Variants in CDH13 observed in about 807,000 individuals in gnomAD.
CDH13 encodes the protein cadherin-13.
In CDH13, 24 loss-of-function variants were observed where a neutral mutation model predicts 63.8. The ratio of observed to expected loss-of-function variants is 0.38; its 90% CI spans 0.27 to 0.53. CDH13 has a LOEUF of 0.53. CDH13 is among the 20% of genes least tolerant of loss of function. The pLI is 0.85. For missense variants in CDH13, 1,049 were observed against 903.1 expected (o/e 1.16, Z -2.07); for synonymous variants, 503 against 355.3 (o/e 1.42, Z -4.67).
At chr16:82,789,093 A>C (rs1229657881) in intron 1 of CDH13, among the ~76,000 whole-genome samples, 2 of 152,134 alleles carry the variant, frequency 1.3e-5, no homozygotes, top group African/African-American at 4.8e-5. Context: ...TTTCCAGCTG[A>C]TAAGGCAATT....
chr16:83,158,487 G>A (rs1363397457), intron 4 of CDH13, among the ~76,000 whole-genome samples: 1 of 152,246 alleles, frequency 6.6e-6, no homozygotes. Context: ...GCCAGGGCTG[G>A]CTGTCCCTGT....
intron 3 of CDH13, among the ~76,000 whole-genome samples, chr16:83,088,595 A>G (rs1229497100): frequency 6.6e-6 from 1 of 152,158 alleles, no homozygotes; most frequent in Non-Finnish European, 1.5e-5. Context: ...TATAAAGTAA[A>G]GGTGTTATTA....
At chr16:83,207,897 T>C (rs900622760) in intron 4 of CDH13, among the ~76,000 whole-genome samples, 2 of 152,070 alleles carry the variant, frequency 1.3e-5, no homozygotes, top group African/African-American at 4.8e-5. Flanking sequence ...TTAAGCATAA[T>C]CTTAAGAGTC....
chr16:82,713,544 G>C (rs2032119057), intron 1 of CDH13, among the ~76,000 whole-genome samples: 1 of 152,026 alleles, frequency 6.6e-6, no homozygotes, highest in African/African-American at 2.4e-5. Context: ...AGAATGGCAG[G>C]GTGGTCAAGA....
rs575697635 is a variant in CDH13, at chr16:83,246,508, T to A, written c.636+29011T>A. On this transcript the variant is annotated intron_variant, in intron 5 of 13. Coordinates refer to ENST00000567109, the MANE Select transcript of CDH13 (RefSeq NM_001257.5). The stretch of plus-strand genomic sequence containing the variant: ...ATCATTGGCCTGGCATTCTTCCTCT[T>A]CTCTATACTTTTCCATGGTTCATTC... Among the ~76,000 whole-genome samples the A allele has an allele frequency of 3.2e-4, 48 of 152,242 alleles. No individual in the cohort carries two copies. The Middle Eastern group carries it at 0.01, about 32-fold the overall frequency.
At chr16:82,689,934 C>G (rs935105310) in intron 1 of CDH13, among the ~76,000 whole-genome samples, 1 of 126,340 alleles carries the variant, frequency 7.9e-6, no homozygotes, top group African/African-American at 3.0e-5. Context: ...CACTTGAGGT[C>G]AGGAGTTCGA....
chr16:83,708,378 T>C (rs115465463), intron 10 of CDH13, among the ~76,000 whole-genome samples: 1,779 of 152,326 alleles, frequency 0.012, 44 homozygotes, highest in African/African-American at 0.041. Flanking sequence ...AGCATGGTGG[T>C]TCAGGTTTCT....
chr16:82,663,899 C>T (rs1597255785), intron 1 of CDH13, among the ~76,000 whole-genome samples: 1 of 152,302 alleles, frequency 6.6e-6, no homozygotes, highest in Middle Eastern at 3.4e-3. Context: ...AAAGTCTTCT[C>T]TACCCTCCCT....
intron 6 of CDH13, among the ~76,000 whole-genome samples, chr16:83,459,253 C>T (rs572900525): frequency 7.2e-4 from 110 of 152,342 alleles, no homozygotes; most frequent in Non-Finnish European, 1.3e-3. Context: ...ATGCCATTGA[C>T]AAGAAACCCA....
At chr16:83,741,623 G>T (rs1912077027) in intron 10 of CDH13, among the ~76,000 whole-genome samples, 1 of 151,918 alleles carries the variant, frequency 6.6e-6, no homozygotes, top group African/African-American at 2.4e-5. Context: ...TATAATCTGT[G>T]CCATGTCTAG....
chr16:83,430,461 C>T (rs563441971), intron 6 of CDH13, among the ~76,000 whole-genome samples: 2 of 152,354 alleles, frequency 1.3e-5, no homozygotes, highest in Non-Finnish European at 2.9e-5. Flanking sequence ...CTCTTATTTA[C>T]TTCCACTTTA....
intron 6 of CDH13, among the ~76,000 whole-genome samples, chr16:83,456,484 C>G (rs1265280989): frequency 6.6e-6 from 1 of 152,102 alleles, no homozygotes; most frequent in African/African-American, 2.4e-5. Flanking sequence ...CACGGGGAAC[C>G]CTGGGTTCAG....
chr16:83,335,837 G>A (rs1014930678), intron 5 of CDH13, among the ~76,000 whole-genome samples: 4 of 152,082 alleles, frequency 2.6e-5, no homozygotes, highest in African/African-American at 9.7e-5. Flanking sequence ...CCCCCTTAGA[G>A]TTGTGAGCCC....
chr16:83,115,745 A>T (rs2035262142), intron 3 of CDH13, among the ~76,000 whole-genome samples: 1 of 152,206 alleles, frequency 6.6e-6, no homozygotes, highest in African/African-American at 2.4e-5. Context: ...CTTAGCAAAC[A>T]AGTTTGCCCA....
rs113905287 is a variant in CDH13, at chr16:82,995,861, G to A, written c.158-36149G>A. On this transcript the variant is annotated intron_variant, in intron 2 of 13. Coordinates refer to ENST00000567109, the MANE Select transcript of CDH13 (RefSeq NM_001257.5). ...ATTCAACCCTCTCGCGGGCTGCTGG[G>A]GAATCGATATCGTTTAATTATGAGA... 8.0e-3 allele frequency among the ~76,000 whole-genome samples: 1,216 copies of A among 152,170 alleles called. 11 individuals carry two copies. The highest frequency in any genetic ancestry group is 0.027 in the African/African-American group (1,141 of 41,508).
chr16:82,770,323 T>C (rs2035214060), intron 1 of CDH13, among the ~76,000 whole-genome samples: 1 of 152,246 alleles, frequency 6.6e-6, no homozygotes, highest in Non-Finnish European at 1.5e-5. Flanking sequence ...ATTATAAAAG[T>C]AATTCTCCTT....
intron 4 of CDH13, among the ~76,000 whole-genome samples, chr16:83,199,472 A>C (rs2038964423): frequency 6.6e-6 from 1 of 151,968 alleles, no homozygotes; most frequent in Non-Finnish European, 1.5e-5. Context: ...AAATGACTTC[A>C]CCTCTCTGGG....
At chr16:83,142,206 G>A (rs11861604) in intron 4 of CDH13, among the ~76,000 whole-genome samples, 8,430 of 136,330 alleles carry the variant, frequency 0.062, 563 homozygotes, top group African/African-American at 0.18. Flanking sequence ...CTATCACCCA[G>A]CTAAAGTGCA....
At chr16:83,094,912 A>T (rs1006587741) in intron 3 of CDH13, among the ~76,000 whole-genome samples, 1 of 152,194 alleles carries the variant, frequency 6.6e-6, no homozygotes, top group Non-Finnish European at 1.5e-5. Context: ...TCTGTAAGTT[A>T]TTGAAAACCG....
Sources: allele counts gnomAD v4.1 joint callset (sites outside exome capture counted in the v4.1 genomes callset), GRCh38; gene constraint gnomAD v4.1.1; transcripts MANE v1.5; gene names NCBI Gene and HGNC (gene_info 2026-07-23, HGNC 2026-07-21).